The following ATP8A2 variants were observed in gnomAD, a reference collection of about 807,000 sequenced individuals.
ATP8A2 encodes the protein ATPase phospholipid transporting 8A2, also known as phospholipid-transporting ATPase IB.
ATP8A2 carries 100 observed loss-of-function variants against 165.6 expected under a neutral mutation model. That is an observed-to-expected ratio of 0.60 (90% CI 0.51 to 0.71). ATP8A2 has a LOEUF of 0.71. Among genes scored for constraint, ATP8A2 ranks in the 30% least tolerant of loss-of-function variants. The pLI, the probability that ATP8A2 is intolerant of heterozygous loss-of-function variation, is 0.00. For synonymous variants in ATP8A2, 543 were observed against 548.8 expected, an observed-to-expected ratio of 0.99 and a Z score of 0.15; for missense variants, 1,227 against 1,479.5, an observed-to-expected ratio of 0.83 and a Z score of 2.80.
intron 35 of ATP8A2, among the ~76,000 whole-genome samples, chr13:26,009,425 G>A (rs925141112): frequency 5.9e-5 from 9 of 152,194 alleles, no homozygotes; most frequent in East Asian, 1.9e-4. Flanking sequence ...GGGCATCTGC[G>A]CACGTGTGGT....
intron 24 of ATP8A2, among the ~76,000 whole-genome samples, chr13:25,603,470 CAAAAA>C (rs60241678): frequency 8.4e-6 from 1 of 118,444 alleles, no homozygotes. Context: ...GACTCTGTCT[CAAAAA>C]AAAAAAAAAA....
intron 33 of ATP8A2, among the ~76,000 whole-genome samples, chr13:25,935,970 G>A (rs1369950168): frequency 6.6e-6 from 1 of 152,204 alleles, no homozygotes; most frequent in East Asian, 1.9e-4. Context: ...AATTTTGAAT[G>A]TTACCATAAA....
intron 1 of ATP8A2, among the ~76,000 whole-genome samples, chr13:25,465,755 C>CTCTCTCTCTCTTTCTCTCTT (rs746455176): frequency 1.7e-4 from 2 of 11,850 alleles, no homozygotes; most frequent in East Asian, 2.4e-3. Flanking sequence ...CTCCCTCTCT[C>CTCTCTCTCTCTTTCTCTCTT]TCTCTCTTTC....
chr13:25,429,158 A>C (rs2034533509), intron 1 of ATP8A2, among the ~76,000 whole-genome samples: 1 of 152,106 alleles, frequency 6.6e-6, no homozygotes, highest in Non-Finnish European at 1.5e-5. Context: ...ACCTGAGGTC[A>C]CGTGTTTGAG....
chr13:25,934,758 G>A (rs1161130742), intron 33 of ATP8A2, among the ~76,000 whole-genome samples: 1 of 152,180 alleles, frequency 6.6e-6, no homozygotes, highest in Non-Finnish European at 1.5e-5. Flanking sequence ...GAAGGAGGAA[G>A]AGGAATTCTA....
chr13:25,434,913 A>G (rs1305993747), intron 1 of ATP8A2, among the ~76,000 whole-genome samples: 1 of 152,114 alleles, frequency 6.6e-6, no homozygotes, highest in Middle Eastern at 3.2e-3. Flanking sequence ...CTTGTGTAGC[A>G]TTTCACATCT....
At chr13:25,640,999 A>G (rs1190027413) in intron 24 of ATP8A2, among the ~76,000 whole-genome samples, 2 of 152,266 alleles carry the variant, frequency 1.3e-5, no homozygotes, top group Non-Finnish European at 2.9e-5. Flanking sequence ...ACCAAAGACA[A>G]AAACCACATG....
chr13:25,990,873 G>C (rs1287147073), intron 35 of ATP8A2, among the ~76,000 whole-genome samples: 2 of 152,126 alleles, frequency 1.3e-5, no homozygotes, highest in Non-Finnish European at 2.9e-5. Context: ...ATTTTGCTTG[G>C]GGTCTCTCCA....
At chr13:25,572,794 A>C (rs183927676) in intron 18 of ATP8A2, among the ~76,000 whole-genome samples, 48 of 152,350 alleles carry the variant, frequency 3.2e-4, no homozygotes, top group Admixed American at 7.2e-4. Flanking sequence ...TTATGGATGC[A>C]TCCTTAAATC....
At chr13:25,527,107 A>C (rs2037865998) in intron 2 of ATP8A2, among the ~76,000 whole-genome samples, 1 of 152,092 alleles carries the variant, frequency 6.6e-6, no homozygotes, top group Non-Finnish European at 1.5e-5. Flanking sequence ...TGATAACCTT[A>C]GTGCTGTAAA....
intron 1 of ATP8A2, among the ~76,000 whole-genome samples, chr13:25,383,043 C>T (rs1250094503): frequency 4.9e-5 from 7 of 144,004 alleles, no homozygotes; most frequent in African/African-American, 1.6e-4. Context: ...GTGTGAGCCA[C>T]CACACCCAGC....
At chr13:25,724,611 T>A (rs2138051438) in intron 25 of ATP8A2, among the ~76,000 whole-genome samples, 1 of 152,320 alleles carries the variant, frequency 6.6e-6, no homozygotes, top group South Asian at 2.1e-4. Context: ...ATATTATTTC[T>A]CCATTTTAAA....
intron 27 of ATP8A2, among the ~76,000 whole-genome samples, chr13:25,805,296 C>T (rs920106931): frequency 6.6e-6 from 1 of 151,926 alleles, no homozygotes; most frequent in Non-Finnish European, 1.5e-5. Flanking sequence ...ATCACTTGAG[C>T]CTAGGAGTTC....
rs1026008701 is a variant in ATP8A2 at position 25,654,827 on chromosome 13, A to G, written c.2212-44346A>G. On this transcript the variant is annotated intron_variant, in intron 24 of 36. Coordinates refer to ENST00000381655, the MANE Select transcript of ATP8A2 (RefSeq NM_016529.6). ...TGGTACATAGAAATGCCCATCAGTG[A>G]TACTTATTTTGATGCTGCTGTGATC... Among the ~76,000 whole-genome samples the G allele has an allele frequency of 2.0e-5, 3 of 152,094 alleles. No individual in the cohort carries two copies. The East Asian group carries it at 5.8e-4, about 29-fold the overall frequency.
intron 10 of ATP8A2, among the ~76,000 whole-genome samples, chr13:25,544,714 C>A (rs2038589275): frequency 6.6e-6 from 1 of 152,086 alleles, no homozygotes; most frequent in Admixed American, 6.6e-5. Flanking sequence ...AAGTAAGGAA[C>A]TGAGAGACTA....
At chr13:25,433,656 G>A (rs1005762069) in intron 1 of ATP8A2, among the ~76,000 whole-genome samples, 41 of 152,184 alleles carry the variant, frequency 2.7e-4, no homozygotes, top group Non-Finnish European at 5.9e-5. Flanking sequence ...GAAATGCTTA[G>A]TTCCACACAC....
At chr13:25,398,035 G>A (rs1007490084) in intron 1 of ATP8A2, among the ~76,000 whole-genome samples, 1 of 152,040 alleles carries the variant, frequency 6.6e-6, no homozygotes, top group Non-Finnish European at 1.5e-5. Flanking sequence ...GAGAATAGAT[G>A]GTAAATGTCT....
intron 25 of ATP8A2, among the ~76,000 whole-genome samples, chr13:25,758,838 A>G (rs951147630): frequency 1.3e-5 from 2 of 152,158 alleles, no homozygotes; most frequent in African/African-American, 2.4e-5. Flanking sequence ...AAGCATTATT[A>G]TTTCCCGCTA....
chr13:25,453,111 T>C (rs9507521), intron 1 of ATP8A2, among the ~76,000 whole-genome samples: 57,226 of 151,530 alleles, frequency 0.38, 11,613 homozygotes, highest in East Asian at 0.6. Context: ...CAAAAAATAG[T>C]GTTATATGAA....
Sources: allele counts gnomAD v4.1 joint callset (sites outside exome capture counted in the v4.1 genomes callset), GRCh38; gene constraint gnomAD v4.1.1; transcripts MANE v1.5; gene names NCBI Gene and HGNC (gene_info 2026-07-23, HGNC 2026-07-21).